ZBED6: variants seen among roughly 807,000 people sequenced by gnomAD.
ZBED6 encodes zinc finger BED domain-containing protein 6.
ZBED6 carries 40 observed loss-of-function variants against 58.4 expected under a neutral mutation model. That is an observed-to-expected ratio of 0.68 (90% CI 0.53 to 0.89). The LOEUF is 0.89. Ranked by LOEUF, ZBED6 falls within the 40% of genes least tolerant of loss-of-function variation. The probability of loss-of-function intolerance (pLI) is 0.00; values close to 1 mark genes in which losing one functional copy is unlikely to be tolerated. For missense variants in ZBED6, 1,057 were observed against 1,003.9 expected, an observed-to-expected ratio of 1.05 and a Z score of -0.71; for synonymous variants, 439 against 350.6, an observed-to-expected ratio of 1.25 and a Z score of -2.82.
chr1:203,797,443 T>C lies in ZBED6; in HGVS notation c.-80T>C, dbSNP rs1668919555. 2.4e-5 allele frequency: 31 copies of C among 1,312,646 alleles called. No individual in the cohort carries two copies. The South Asian group carries it at 5.0e-4, about 21-fold the overall frequency. 81.3% of individuals were successfully genotyped at this position (1,312,646 alleles called of 1,614,324 possible). A position where few individuals can be genotyped will look rare whatever the true frequency, so the allele number is the denominator to read the frequency against. ...GAAACTGGAGAAAAGGTAATGCAAG[T>C]AGAGAGGAACAGCTGTATTTCTGCT... On this transcript the variant is annotated 5_prime_UTR_variant, in exon 1 of 17. Transcript: ENST00000550078.
At chr1:203,799,463 T>C in exon 1 of ZBED6, 1 of 703,030 alleles carries the variant, frequency 1.4e-6, no homozygotes, top group Non-Finnish European at 2.6e-6. Flanking sequence ...AAACTGGCCA[T>C]TGGATTTCTA....
At chr1:203,829,885 A>G (rs1681692028) in exon 6 of ZBED6, 1 of 1,613,884 alleles carries the variant, frequency 6.2e-7, no homozygotes, top group East Asian at 2.2e-5. Flanking sequence ...CCTGCAGTCA[A>G]TATAAAGCAA....
exon 1 of ZBED6, chr1:203,796,231 C>G (rs940651736): frequency 1.5e-5 from 6 of 393,178 alleles, no homozygotes; most frequent in Non-Finnish European, 2.7e-5. Context: ...CGGACCCTCA[C>G]TGCCTAAATC....
At chr1:203,823,135 G>A (rs1286419294) in intron 3 of ZBED6, among the ~76,000 whole-genome samples, 1 of 152,164 alleles carries the variant, frequency 6.6e-6, no homozygotes, top group African/African-American at 2.4e-5. Flanking sequence ...AGCTCCTATG[G>A]AGGGTATGGC....
At chr1:203,837,904 G>T in intron 9 of ZBED6, 62 bp from the exon 10 acceptor site, 6 of 1,488,914 alleles carry the variant, frequency 4.0e-6, no homozygotes, top group African/African-American at 1.4e-5. Flanking sequence ...GTTTTTGTTT[G>T]TATTTCTTGT....
intron 1 of ZBED6, among the ~76,000 whole-genome samples, chr1:203,811,387 A>G (rs1293771481): frequency 6.6e-6 from 1 of 152,236 alleles, no homozygotes; most frequent in Non-Finnish European, 1.5e-5. Context: ...TTTCATAGCT[A>G]CCATTTCATT....
In ZBED6 at chr1:203,798,834, C is replaced by T; in HGVS notation, c.1312C>T (p.Gln438Ter). Residue 438 changes from glutamine (Q) to a stop codon, truncating the protein, a stop_gained, in exon 1 of 17, where the codon CAG becomes TAG. Coordinates refer to ENST00000550078, the Ensembl canonical transcript of ZBED6. LOFTEE classifies it high-confidence loss of function. ...AACCCCAGCCTTTCAGAGGTTCATG[C>T]AGATTGTGGCCCCTGATTATAGGTT... 1 of 1,536,126 alleles carries T rather than the reference C, an allele frequency of 6.5e-7. No homozygotes were observed. The highest frequency in any genetic ancestry group is 8.7e-7 in the Non-Finnish European group (1 of 1,146,900).
intron 1 of ZBED6, among the ~76,000 whole-genome samples, chr1:203,815,493 A>G (rs1410962116): frequency 1.3e-5 from 2 of 150,396 alleles, no homozygotes; most frequent in African/African-American, 4.9e-5. Context: ...TGCTGGGATT[A>G]TAGGTATGAG....
Position 203,842,239 on chromosome 1 carries a change from A to C in ZBED6, c.*3741+1865A>C, listed in dbSNP as rs1686579705. 1.3e-5 allele frequency among the ~76,000 whole-genome samples: 2 copies of C among 152,096 alleles called. 1 individual carries two copies. The highest frequency in any genetic ancestry group is 4.1e-4 in the South Asian group (2 of 4,826). ...CTGCAATCTCAGCACTTTGGGAGGC[A>C]AGGCAGGCGGCTGGGAGGTGGAGGT... On this transcript the variant is annotated intron_variant, in intron 11 of 16. Transcript: ENST00000550078.
exon 1 of ZBED6, chr1:203,799,947 A>T: frequency 1.3e-6 from 2 of 1,536,128 alleles, no homozygotes; most frequent in Non-Finnish European, 1.7e-6. Context: ...TTCACCAGAG[A>T]TCTGCCAAAT....
At chr1:203,809,683 G>T (rs896554580) in intron 1 of ZBED6, among the ~76,000 whole-genome samples, 2 of 152,156 alleles carry the variant, frequency 1.3e-5, no homozygotes, top group Admixed American at 6.5e-5. Flanking sequence ...ACCGGGTGCG[G>T]TGGCTCACGG....
chr1:203,847,258 C>T (rs768498480), exon 12 of ZBED6: 7 of 1,613,668 alleles, frequency 4.3e-6, no homozygotes, highest in East Asian at 2.2e-5. Context: ...CAGTCAGAAA[C>T]GTGGAGAATT....
At chr1:203,831,027 C>T (rs893469363) in intron 7 of ZBED6, among the ~76,000 whole-genome samples, 16 of 143,360 alleles carry the variant, frequency 1.1e-4, no homozygotes, top group Non-Finnish European at 1.8e-4. Context: ...CTCACCACAA[C>T]CTCCACCTCC....
At position 203,798,299 on chromosome 1, in the gene ZBED6, TC is replaced by T; in HGVS notation, c.779del (p.Pro260LeufsTer33). On this transcript the variant is annotated frameshift_variant, in exon 1 of 17. Transcript: ENST00000550078. LOFTEE classifies it high-confidence loss of function. ...GTAACATTGTCAAGCATGCTTTAATTCCTGGAACTAGAGCCAAGACATCTGC... is the reference window on the plus strand; with the variant it reads ...GTAACATTGTCAAGCATGCTTTAATTCTGGAACTAGAGCCAAGACATCTGC... 1 of 1,536,048 alleles carries T rather than the reference TC, an allele frequency of 6.5e-7. No homozygotes were observed.
At chr1:203,806,111 C>T in intron 1 of ZBED6, 1 of 499,200 alleles carries the variant, frequency 2.0e-6, no homozygotes, top group South Asian at 1.5e-5. Context: ...GTAGGACCCC[C>T]TCTCATCTTG....
At chr1:203,831,435 C>A (rs533749820) in intron 7 of ZBED6, among the ~76,000 whole-genome samples, 1 of 151,984 alleles carries the variant, frequency 6.6e-6, no homozygotes, top group Non-Finnish European at 1.5e-5. Context: ...GTTTGGGTGC[C>A]TAAGTCACTC....
intron 1 of ZBED6, among the ~76,000 whole-genome samples, chr1:203,814,494 A>C (rs1222655147): frequency 6.6e-6 from 1 of 152,172 alleles, no homozygotes; most frequent in Non-Finnish European, 1.5e-5. Flanking sequence ...ATTGCATTCC[A>C]GCCTGGGTGA....
At chr1:203,803,760 T>C (rs901979908) in intron 1 of ZBED6, among the ~76,000 whole-genome samples, 2 of 152,082 alleles carry the variant, frequency 1.3e-5, no homozygotes, top group Non-Finnish European at 2.9e-5. Flanking sequence ...TGTGCCCCAC[T>C]GTACCTGGCT....
At chr1:203,819,551 T>TTTTTTTTTA (rs1677741962) in intron 3 of ZBED6, among the ~76,000 whole-genome samples, 2 of 83,014 alleles carry the variant, frequency 2.4e-5, no homozygotes, top group African/African-American at 9.7e-5. Flanking sequence ...TTTTTTTTTT[T>TTTTTTTTTA]GAGACAGAGT....
Sources: allele counts gnomAD v4.1 joint callset (sites outside exome capture counted in the v4.1 genomes callset), GRCh38; gene constraint gnomAD v4.1.1; transcripts MANE v1.5; gene names NCBI Gene and HGNC (gene_info 2026-07-23, HGNC 2026-07-21).